Variants in LRRTM4 observed in about 807,000 individuals in gnomAD.
The protein encoded by LRRTM4 is leucine rich repeat transmembrane neuronal 4.
In LRRTM4, 25 loss-of-function variants were observed where a neutral mutation model predicts 47.6. The ratio of observed to expected loss-of-function variants is 0.53; its 90% confidence interval spans 0.38 to 0.73. The LOEUF is 0.73. Ranked by LOEUF, LRRTM4 falls within the 30% of genes least tolerant of loss-of-function variation. LRRTM4 has a pLI of 0.00. For synonymous variants in LRRTM4, 311 were observed against 269.5 expected (o/e 1.15, Z -1.51); for missense variants, 638 against 713.4 (o/e 0.89, Z 1.20).
At chr2:77,398,978 C>T (rs1240545491) in intron 3 of LRRTM4, among the ~76,000 whole-genome samples, 1 of 151,704 alleles carries the variant, frequency 6.6e-6, no homozygotes, top group Non-Finnish European at 1.5e-5. Flanking sequence ...ATTGAAAATG[C>T]TATATAAACT....
chr2:76,911,591 T>A (rs1247480873), intron 3 of LRRTM4, among the ~76,000 whole-genome samples: 1 of 152,068 alleles, frequency 6.6e-6, no homozygotes, highest in Non-Finnish European at 1.5e-5. Context: ...GACTCTGATA[T>A]GCTCATTCTA....
rs190970116 is a variant in LRRTM4, at chr2:77,338,431, G to A, written c.1551+179887C>T. ...ACCACATTAAAAACTGGGCAAAGAA[G>A]ATAAACAGACACTTTTCAAAAAAAG... On this transcript the variant is annotated intron_variant, in intron 3 of 3. Transcript: ENST00000409884. Among the ~76,000 whole-genome samples the A allele has an allele frequency of 5.3e-5, 8 of 151,806 alleles. No homozygotes were observed. In the East Asian group the frequency reaches 1.4e-3, roughly 26 times the overall value.
chr2:76,980,797 T>G (rs2103965527), intron 3 of LRRTM4, among the ~76,000 whole-genome samples: 1 of 152,224 alleles, frequency 6.6e-6, no homozygotes, highest in East Asian at 1.9e-4. Context: ...ACTGATTGGA[T>G]AGAAAGTATA....
intron 3 of LRRTM4, among the ~76,000 whole-genome samples, chr2:76,986,647 A>G (rs1336000204): frequency 2.0e-5 from 3 of 151,946 alleles, no homozygotes; most frequent in Non-Finnish European, 4.4e-5. Flanking sequence ...TGGCACAGCT[A>G]TCCTGGCACA....
In LRRTM4 at chr2:77,322,216, A is replaced by G. The variant is rs185958852; in HGVS notation, c.1551+196102T>C. On this transcript the variant is annotated intron_variant, in intron 3 of 3. Coordinates refer to ENST00000409884, the MANE Select transcript of LRRTM4 (RefSeq NM_001134745.3). ...GCAATTATACGAATAGATTTTTCTG[A>G]TGGTTTGGGAGATGGGTAGATGAGG... Among the ~76,000 whole-genome samples, 196 of 152,188 alleles carry G rather than the reference A, an allele frequency of 1.3e-3. 1 individual carries two copies. Among genetic ancestry groups the G allele is most frequent in the African/African-American group, 4.5e-3 (189 of 41,546 alleles).
chr2:76,864,887 A>G (rs1177317155), intron 3 of LRRTM4, among the ~76,000 whole-genome samples: 6 of 119,918 alleles, frequency 5.0e-5, no homozygotes, highest in African/African-American at 2.3e-4. Flanking sequence ...CCACCACTTC[A>G]GCTGTTTTTT....
At chr2:77,026,652 T>C (rs992019078) in intron 3 of LRRTM4, among the ~76,000 whole-genome samples, 3 of 152,054 alleles carry the variant, frequency 2.0e-5, no homozygotes, top group Non-Finnish European at 4.4e-5. Flanking sequence ...TGAAAAGCTG[T>C]TTATTGTCAT....
At chr2:76,954,888 T>C (rs1675620517) in intron 3 of LRRTM4, among the ~76,000 whole-genome samples, 2 of 151,706 alleles carry the variant, frequency 1.3e-5, no homozygotes, top group South Asian at 4.2e-4. Flanking sequence ...CAGAAAGACT[T>C]GGTATGATAT....
At chr2:76,773,264 T>C (rs949054247) in intron 3 of LRRTM4, among the ~76,000 whole-genome samples, 11 of 152,212 alleles carry the variant, frequency 7.2e-5, no homozygotes, top group Non-Finnish European at 1.3e-4. Flanking sequence ...CATTTATCAT[T>C]CTCCACCATA....
At chr2:76,801,429 G>C (rs193219071) in intron 3 of LRRTM4, among the ~76,000 whole-genome samples, 1,604 of 151,852 alleles carry the variant, frequency 0.011, 12 homozygotes, top group Admixed American at 0.018. Context: ...AAACCAAACA[G>C]CGCATATTCT....
At chr2:76,752,835 G>T (rs765286484) in intron 3 of LRRTM4, among the ~76,000 whole-genome samples, 1 of 152,060 alleles carries the variant, frequency 6.6e-6, no homozygotes, top group Non-Finnish European at 1.5e-5. Flanking sequence ...TTTTGTAAAT[G>T]TGTTCTCAGA....
At chr2:76,894,592 G>A (rs2103723493) in intron 3 of LRRTM4, among the ~76,000 whole-genome samples, 1 of 152,038 alleles carries the variant, frequency 6.6e-6, no homozygotes, top group Non-Finnish European at 1.5e-5. Context: ...TCATGTTAAT[G>A]TTTCTATTTC....
At chr2:76,998,999 A>T (rs1259923195) in intron 3 of LRRTM4, among the ~76,000 whole-genome samples, 2 of 140,690 alleles carry the variant, frequency 1.4e-5, no homozygotes, top group African/African-American at 5.1e-5. Context: ...TATCAGTCTA[A>T]CTTAGAGAGC....
At chr2:76,867,521 T>A (rs1672501295) in intron 3 of LRRTM4, among the ~76,000 whole-genome samples, 1 of 152,178 alleles carries the variant, frequency 6.6e-6, no homozygotes, top group Non-Finnish European at 1.5e-5. Context: ...AATTTTTTGT[T>A]AGTTTCTTTT....
intron 3 of LRRTM4, among the ~76,000 whole-genome samples, chr2:77,127,290 G>T (rs1231852376): frequency 6.6e-6 from 1 of 152,188 alleles, no homozygotes; most frequent in East Asian, 1.9e-4. Context: ...CTGTTACATG[G>T]CTGTCTTGTA....
intron 3 of LRRTM4, among the ~76,000 whole-genome samples, chr2:77,348,710 CAAAT>C (rs914753254): frequency 3.0e-4 from 45 of 149,892 alleles, no homozygotes; most frequent in African/African-American, 1.0e-3. Context: ...TAAATGAACA[CAAAT>C]AAATAAATTA....
chr2:77,319,049 A>T (rs1314246314), intron 3 of LRRTM4, among the ~76,000 whole-genome samples: 1 of 152,080 alleles, frequency 6.6e-6, no homozygotes, highest in Non-Finnish European at 1.5e-5. Context: ...CAAGGGCTAC[A>T]GTTAATTATC....
chr2:77,299,672 T>C lies in LRRTM4; in HGVS notation c.1551+218646A>G, dbSNP rs115125063. On this transcript the variant is annotated intron_variant, in intron 3 of 3. Coordinates refer to ENST00000409884, the MANE Select transcript of LRRTM4 (RefSeq NM_001134745.3). ...AAGCCTAAGTAAAACTGTTGCATTC[T>C]CTATTGTAAGACACACTGACACTCT... Among the ~76,000 whole-genome samples the C allele has an allele frequency of 3.2e-3, 493 of 152,138 alleles. 1 individual carries two copies. The highest frequency in any genetic ancestry group is 0.011 in the African/African-American group (472 of 41,536).
chr2:77,390,450 C>T (rs1230487968), intron 3 of LRRTM4, among the ~76,000 whole-genome samples: 1 of 151,988 alleles, frequency 6.6e-6, no homozygotes, highest in Admixed American at 6.6e-5. Context: ...ATGCAACTTT[C>T]ATACAAATTG....
Sources: allele counts gnomAD v4.1 joint callset (sites outside exome capture counted in the v4.1 genomes callset), GRCh38; gene constraint gnomAD v4.1.1; transcripts MANE v1.5; gene names NCBI Gene and HGNC (gene_info 2026-07-23, HGNC 2026-07-21).